The following CSMD1 variants were observed in gnomAD, a reference collection of about 807,000 sequenced individuals.
CSMD1 encodes the protein CUB and sushi domain-containing protein 1.
Under a neutral mutation model 417.5 loss-of-function variants are expected in CSMD1, and 213 were observed. The observed-to-expected ratio is 0.51, with a 90% CI of 0.46 to 0.57. The LOEUF is 0.57. Among genes scored for constraint, CSMD1 ranks in the 20% least tolerant of loss-of-function variants. The pLI is 0.00. For missense variants in CSMD1, 6,923 were observed against 4,529.7 expected (o/e 1.53, Z -15.17); for synonymous variants, 2,862 against 1,736.8 (o/e 1.65, Z -16.11).
In CSMD1 at chr8:4,338,943, T is replaced by C. The variant is rs141284463; in HGVS notation, c.415+81010A>G. On this transcript the variant is annotated intron_variant, in intron 3 of 69. Coordinates refer to ENST00000635120, the MANE Select transcript of CSMD1 (RefSeq NM_033225.6). ...TAAAGTTAAAGTAAGGGTAAGCGTATCTGAACATAGGTCTGGGCATACAGT... is the reference window on the plus strand; with the variant it reads ...TAAAGTTAAAGTAAGGGTAAGCGTACCTGAACATAGGTCTGGGCATACAGT... 1.6e-3 allele frequency among the ~76,000 whole-genome samples: 240 copies of C among 152,216 alleles called. 4 individuals carry two copies. In the East Asian group the frequency reaches 0.043, roughly 27 times the overall value.
intron 3 of CSMD1, among the ~76,000 whole-genome samples, chr8:4,207,801 T>G (rs1403892970): frequency 6.6e-6 from 1 of 152,116 alleles, no homozygotes; most frequent in Non-Finnish European, 1.5e-5. Flanking sequence ...TAGCAAAAGT[T>G]ACAATAATTA....
At chr8:3,748,515 G>GT (rs1304882354) in intron 6 of CSMD1, among the ~76,000 whole-genome samples, 1 of 152,132 alleles carries the variant, frequency 6.6e-6, no homozygotes, top group Non-Finnish European at 1.5e-5. Context: ...TCCGCTAAAC[G>GT]TAACTGAGCA....
intron 25 of CSMD1, among the ~76,000 whole-genome samples, chr8:3,297,868 A>G (rs996891959): frequency 3.9e-5 from 6 of 152,210 alleles, no homozygotes; most frequent in East Asian, 1.9e-4. Flanking sequence ...AAAAATTATT[A>G]TGACTCATTG....
At chr8:3,930,583 T>A (rs1177054604) in intron 5 of CSMD1, among the ~76,000 whole-genome samples, 1 of 150,352 alleles carries the variant, frequency 6.7e-6, no homozygotes, top group African/African-American at 2.5e-5. Context: ...GAGGTCCCGT[T>A]CCAGCCAAAG....
chr8:2,957,587 A>T, intron 63 of CSMD1, 109 bp downstream of exon 63: 1 of 764,848 alleles, frequency 1.3e-6, no homozygotes, highest in Non-Finnish European at 2.2e-6. Context: ...AAAATTTAGG[A>T]TTAGGGAATT....
chr8:3,269,602 A>G (rs1332565940), intron 26 of CSMD1, among the ~76,000 whole-genome samples: 2 of 152,224 alleles, frequency 1.3e-5, no homozygotes, highest in Non-Finnish European at 2.9e-5. Context: ...AAACCTGAGA[A>G]TGAAACATGG....
chr8:3,842,797 T>C (rs1803219882), intron 5 of CSMD1, among the ~76,000 whole-genome samples: 1 of 152,212 alleles, frequency 6.6e-6, no homozygotes, highest in Non-Finnish European at 1.5e-5. Flanking sequence ...TTTAAAAAGT[T>C]GGAATGTCAG....
At chr8:3,933,366 C>A (rs1007486358) in intron 5 of CSMD1, among the ~76,000 whole-genome samples, 2 of 152,156 alleles carry the variant, frequency 1.3e-5, no homozygotes, top group African/African-American at 4.8e-5. Flanking sequence ...GGCGACATTT[C>A]AGTTTAGTAC....
intron 4 of CSMD1, among the ~76,000 whole-genome samples, chr8:4,027,536 G>C (rs1005221636): frequency 6.6e-6 from 1 of 152,094 alleles, no homozygotes; most frequent in Non-Finnish European, 1.5e-5. Flanking sequence ...TCTCGCTCCT[G>C]CTGTCCTGTG....
chr8:4,339,048 T>C (rs777589818), intron 3 of CSMD1, among the ~76,000 whole-genome samples: 1 of 152,106 alleles, frequency 6.6e-6, no homozygotes, highest in Non-Finnish European at 1.5e-5. Context: ...GCCTCAAATC[T>C]ACCGGGAACT....
chr8:3,018,767 T>G, intron 51 of CSMD1, 117 bp from the exon 52 acceptor site: 1 of 915,684 alleles, frequency 1.1e-6, no homozygotes, highest in Admixed American at 2.6e-5. Flanking sequence ...AGTCTTAATT[T>G]TCACTAAGAA....
intron 8 of CSMD1, among the ~76,000 whole-genome samples, chr8:3,591,102 C>G (rs1469688231): frequency 6.6e-6 from 1 of 152,174 alleles, no homozygotes; most frequent in African/African-American, 2.4e-5. Flanking sequence ...CGTTGCACAA[C>G]TGAGACAATT....
intron 12 of CSMD1, among the ~76,000 whole-genome samples, chr8:3,425,647 C>T (rs1424363575): frequency 1.3e-5 from 2 of 151,320 alleles, no homozygotes; most frequent in Non-Finnish European, 2.9e-5. Context: ...CCTGTCCCAG[C>T]AGCAGGGAGC....
At chr8:4,070,019 T>G (rs1003689287) in intron 3 of CSMD1, among the ~76,000 whole-genome samples, 2 of 152,088 alleles carry the variant, frequency 1.3e-5, no homozygotes, top group African/African-American at 4.8e-5. Context: ...TTCTTAAGAA[T>G]TTTTTTTAAT....
intron 5 of CSMD1, among the ~76,000 whole-genome samples, chr8:3,817,111 C>G (rs552702340): frequency 6.6e-6 from 1 of 151,846 alleles, no homozygotes; most frequent in African/African-American, 2.4e-5. Context: ...AAATGAAGAT[C>G]TTATAGAGAG....
At chr8:4,568,962 G>C (rs893286303) in intron 2 of CSMD1, among the ~76,000 whole-genome samples, 69 of 151,970 alleles carry the variant, frequency 4.5e-4, no homozygotes, top group African/African-American at 1.5e-3. Flanking sequence ...GCTTTTTGAT[G>C]GGTTTTTTCT....
chr8:4,624,347 A>G (rs1308634199), intron 2 of CSMD1, among the ~76,000 whole-genome samples: 1 of 152,140 alleles, frequency 6.6e-6, no homozygotes, highest in South Asian at 2.1e-4. Flanking sequence ...TCTCTCCATT[A>G]TCAAAAGAAA....
intron 3 of CSMD1, among the ~76,000 whole-genome samples, chr8:4,102,971 G>A (rs148440215): frequency 1.3e-5 from 2 of 152,206 alleles, no homozygotes; most frequent in Admixed American, 6.5e-5. Flanking sequence ...TTTAACACGT[G>A]CAGAGCCAGC....
rs141248266 is a variant in CSMD1 at position 3,410,591 on chromosome 8, G to A, written c.1562-986C>T. 5.4e-3 allele frequency among the ~76,000 whole-genome samples: 819 copies of A among 152,202 alleles called. 3 individuals are homozygous for A. The highest frequency in any genetic ancestry group is 0.018 in the African/African-American group (761 of 41,530). Reference sequence around the variant, plus strand: ...ACGTGACTTGTTCCACCTTGCCTTCGCCATGATTGTGAGGCCTCTCCAGCC... The same window carrying A: ...ACGTGACTTGTTCCACCTTGCCTTCACCATGATTGTGAGGCCTCTCCAGCC... On this transcript the variant is annotated intron_variant, in intron 12 of 69. Coordinates refer to ENST00000635120, the MANE Select transcript of CSMD1 (RefSeq NM_033225.6).
Sources: allele counts gnomAD v4.1 joint callset (sites outside exome capture counted in the v4.1 genomes callset), GRCh38; gene constraint gnomAD v4.1.1; transcripts MANE v1.5; gene names NCBI Gene and HGNC (gene_info 2026-07-23, HGNC 2026-07-21).